The following SLC1A4 variants were observed in gnomAD, a reference collection of about 807,000 sequenced individuals.
SLC1A4 encodes neutral amino acid transporter A.
Under a neutral mutation model 37.7 loss-of-function variants are expected in SLC1A4, and 19 were observed. The ratio of observed to expected loss-of-function variants is 0.50; its 90% CI spans 0.35 to 0.74. The LOEUF is 0.74. Among genes scored for constraint, SLC1A4 ranks in the 30% least tolerant of loss-of-function variants. The probability of loss-of-function intolerance (pLI) is 0.01; values close to 1 mark genes in which losing one functional copy is unlikely to be tolerated. For missense variants in SLC1A4, 570 were observed against 712.9 expected, an observed-to-expected ratio of 0.80 and a Z score of 2.28; for synonymous variants, 299 against 309.8, an observed-to-expected ratio of 0.97 and a Z score of 0.37.
intron 3 of SLC1A4, 59 bp from the exon 4 acceptor site, chr2:65,010,538 T>C (rs1397494884): frequency 7.0e-7 from 1 of 1,425,066 alleles, no homozygotes; most frequent in African/African-American, 1.4e-5. Context: ...ACCAAGCAAA[T>C]ACATCTTTAA....
At position 65,018,026 on chromosome 2, in the gene SLC1A4, C is replaced by T; in HGVS notation, c.1035-45C>T. On this transcript the variant is annotated intron_variant, in intron 5 of 7. Coordinates refer to ENST00000234256, the MANE Select transcript of SLC1A4 (RefSeq NM_003038.5). This position sits in a 1 kb window ranked among gnomAD's most constrained non-coding sequence, Gnocchi z 4.3. ...TGAGACAAGACACATGTTAGCCTGCCTCGGACTGTTGTCATGTCTGGCGGT... is the reference window on the plus strand; with the variant it reads ...TGAGACAAGACACATGTTAGCCTGCTTCGGACTGTTGTCATGTCTGGCGGT... 1.3e-6 allele frequency: 2 copies of T among 1,566,010 alleles called. No homozygotes were observed. Among genetic ancestry groups the T allele is most frequent in the Non-Finnish European group, 1.8e-6 (2 of 1,140,654 alleles).
At chr2:65,015,281 T>G (rs1164070485) in intron 4 of SLC1A4, among the ~76,000 whole-genome samples, 1 of 152,186 alleles carries the variant, frequency 6.6e-6, no homozygotes, top group Non-Finnish European at 1.5e-5. Flanking sequence ...ATGAACTTCA[T>G]GCCACTGAAC....
upstream of SLC1A4, chr2:64,989,311 C>G (rs71424144): frequency 0.053 from 10,890 of 206,512 alleles, 409 homozygotes; most frequent in Non-Finnish European, 0.076. Flanking sequence ...GGGGGCGGGA[C>G]GGCGGGCGTG....
At position 65,015,017 on chromosome 2, in the gene SLC1A4, C is replaced by T. The variant is rs542375228; in HGVS notation, c.801-1423C>T. On this transcript the variant is annotated intron_variant, in intron 4 of 7. Coordinates refer to ENST00000234256, the MANE Select transcript of SLC1A4 (RefSeq NM_003038.5). ...TTCAGCCTTAGAAAGGAGTACAATT[C>T]TAGCTCATGCTCCAATGTGGATGAA... is the stretch of plus-strand genomic sequence containing the variant. 1.5e-4 allele frequency among the ~76,000 whole-genome samples: 23 copies of T among 152,360 alleles called. No homozygotes were observed. The South Asian group carries it at 3.1e-3, about 21-fold the overall frequency.
chr2:64,988,898 G>T (rs1344871090), upstream of SLC1A4, among the ~76,000 whole-genome samples: 2 of 151,658 alleles, frequency 1.3e-5, no homozygotes, highest in African/African-American at 4.9e-5. Flanking sequence ...AGCGCCACCC[G>T]GGAGAGAGGG....
At chr2:65,020,610 G>C (rs566440046) in intron 7 of SLC1A4, among the ~76,000 whole-genome samples, 31 of 152,260 alleles carry the variant, frequency 2.0e-4, no homozygotes, top group Middle Eastern at 3.4e-3. Flanking sequence ...TATAAAATAC[G>C]TGTATAGAAA....
intron 4 of SLC1A4, among the ~76,000 whole-genome samples, chr2:65,014,332 C>G (rs1010610997): frequency 6.6e-6 from 1 of 152,068 alleles, no homozygotes. Flanking sequence ...TATGTGAAAC[C>G]TGAATTACCA....
At chr2:65,001,999 G>C (rs903944892) in intron 2 of SLC1A4, among the ~76,000 whole-genome samples, 1 of 152,088 alleles carries the variant, frequency 6.6e-6, no homozygotes, top group Admixed American at 6.6e-5. Context: ...AAGCATACAG[G>C]CTGGGCGCAG....
In SLC1A4 at chr2:64,992,643, G is replaced by A. The variant is rs185816058; in HGVS notation, c.527+2473G>A. Among the ~76,000 whole-genome samples, 89 of 152,250 alleles carry A rather than the reference G, an allele frequency of 5.8e-4. No individual in the cohort carries two copies. The East Asian group carries it at 0.016, about 28-fold the overall frequency. On this transcript the variant is annotated intron_variant, in intron 1 of 7. Transcript: ENST00000234256. ...GTGGCTTATAAAGAAGAGATTAGAA[G>A]GACTGTGGGTCTCCTACCCCACAGT...
At chr2:65,019,021 G>A (rs1172050661) in intron 7 of SLC1A4, among the ~76,000 whole-genome samples, 2 of 152,198 alleles carry the variant, frequency 1.3e-5, no homozygotes, top group Non-Finnish European at 2.9e-5. Context: ...TAAGTCGATG[G>A]AGCAGTGATC....
At chr2:64,995,818 T>C (rs549959485) in intron 1 of SLC1A4, among the ~76,000 whole-genome samples, 1 of 152,338 alleles carries the variant, frequency 6.6e-6, no homozygotes, top group East Asian at 1.9e-4. Flanking sequence ...AGTAAATTGT[T>C]TTACATTCTT....
intron 1 of SLC1A4, among the ~76,000 whole-genome samples, chr2:64,993,002 A>G (rs1257427086): frequency 6.6e-6 from 1 of 152,232 alleles, no homozygotes; most frequent in Non-Finnish European, 1.5e-5. Flanking sequence ...TGCTTCCTTC[A>G]AGGAAACTTC....
At chr2:65,002,485 T>C (rs547716501) in intron 2 of SLC1A4, among the ~76,000 whole-genome samples, 1 of 151,216 alleles carries the variant, frequency 6.6e-6, no homozygotes, top group South Asian at 2.1e-4. Flanking sequence ...TCTCCTCTAC[T>C]AGTCCCCTAC....
chr2:65,005,958 G>A (rs938822672), intron 3 of SLC1A4, among the ~76,000 whole-genome samples: 7 of 151,908 alleles, frequency 4.6e-5, no homozygotes, highest in African/African-American at 1.5e-4. Flanking sequence ...AGTCATGATC[G>A]TGCCACTGCA....
intron 3 of SLC1A4, among the ~76,000 whole-genome samples, chr2:65,006,799 G>C (rs1553373323): frequency 6.6e-6 from 1 of 152,200 alleles, no homozygotes; most frequent in Non-Finnish European, 1.5e-5. Context: ...TACTAGCCAA[G>C]TATGGTGGCG....
intron 3 of SLC1A4, among the ~76,000 whole-genome samples, chr2:65,010,116 T>C (rs1673858010): frequency 6.6e-6 from 1 of 151,756 alleles, no homozygotes. Context: ...GTTTTTAGTA[T>C]AGACAGGGTT....
At chr2:65,003,896 C>G in intron 2 of SLC1A4, 57 bp from the exon 3 acceptor site, 2 of 1,363,956 alleles carry the variant, frequency 1.5e-6, no homozygotes, top group Non-Finnish European at 2.1e-6. Flanking sequence ...CTTGGTTCCT[C>G]TAGGTCGGTC....
intron 7 of SLC1A4, among the ~76,000 whole-genome samples, chr2:65,019,723 G>A (rs1446757599): frequency 1.3e-5 from 2 of 152,210 alleles, no homozygotes; most frequent in African/African-American, 4.8e-5. Flanking sequence ...CTCCGTCCCT[G>A]AGCTGGCCAG....
chr2:65,010,587 G>A lies in SLC1A4; in HGVS notation c.634-10G>A. ...GTTGTAAACTTGTTCTATCCTCTCT[G>A]ATCCTGCAGATCCCCATAGGCACTG... On this transcript the variant is annotated splice_polypyrimidine_tract_variant and intron_variant, in intron 3 of 7. Coordinates refer to ENST00000234256, the MANE Select transcript of SLC1A4 (RefSeq NM_003038.5). 2 of 1,594,942 alleles carry A rather than the reference G, an allele frequency of 1.3e-6. No homozygotes were observed. The highest frequency in any genetic ancestry group is 1.7e-6 in the Non-Finnish European group (2 of 1,172,262).
Sources: gnomAD v4.1 joint callset for allele counts (sites outside exome capture counted in the v4.1 genomes callset) on GRCh38, gnomAD v4.1.1 for gene constraint, Gnocchi (gnomAD v3.1) non-coding constraint, MANE v1.5 for transcripts, NCBI Gene and HGNC (gene_info 2026-07-23, HGNC 2026-07-21) for gene names.